The following SGCZ variants were observed in gnomAD, a reference collection of about 807,000 sequenced individuals.
SGCZ encodes the protein zeta-sarcoglycan.
Under a neutral mutation model 41.3 loss-of-function variants are expected in SGCZ, and 40 were observed. The observed-to-expected ratio is 0.97, with a 90% CI of 0.75 to 1.26. The LOEUF is 1.26. Among genes scored for constraint, SGCZ ranks in the 50% most tolerant of loss-of-function variants. The pLI, the probability that SGCZ is intolerant of heterozygous loss-of-function variation, is 0.00. For missense variants in SGCZ, 552 were observed against 369.8 expected, an observed-to-expected ratio of 1.49 and a Z score of -4.04; for synonymous variants, 206 against 137.5, an observed-to-expected ratio of 1.50 and a Z score of -3.49.
intron 3 of SGCZ, among the ~76,000 whole-genome samples, chr8:14,304,448 G>C (rs1185968129): frequency 6.6e-6 from 1 of 152,030 alleles, no homozygotes; most frequent in African/African-American, 2.4e-5. Context: ...ACAAAAATTA[G>C]CCAGGCATGG....
At chr8:14,408,982 T>TGTGTGTGTGTATGTGTGC (rs1799288198) in intron 2 of SGCZ, among the ~76,000 whole-genome samples, 1 of 50,010 alleles carries the variant, frequency 2.0e-5, no homozygotes, top group African/African-American at 2.0e-4. Flanking sequence ...CATGTGTGCG[T>TGTGTGTGTGTATGTGTGC]GTGTGTGTGT....
intron 2 of SGCZ, among the ~76,000 whole-genome samples, chr8:14,381,537 A>G (rs1416054090): frequency 1.3e-5 from 2 of 152,018 alleles, no homozygotes; most frequent in African/African-American, 4.8e-5. Flanking sequence ...TATGGTGGGA[A>G]GCTCAACCAG....
rs557712653 is a variant in SGCZ at position 14,633,559 on chromosome 8, A to G, written c.40-78633T>C. ...TAGAATAAAAAGTTGGCAAATAATT[A>G]CAGGAACTATATTTTACACAACTTT... is the stretch of plus-strand genomic sequence containing the variant. On this transcript the variant is annotated intron_variant, in intron 1 of 7. Coordinates refer to ENST00000382080, the MANE Select transcript of SGCZ (RefSeq NM_139167.4). Among the ~76,000 whole-genome samples, 5 of 152,070 alleles carry G rather than the reference A, an allele frequency of 3.3e-5. No individual in the cohort carries two copies. The South Asian group carries it at 1.0e-3, about 31-fold the overall frequency.
At chr8:15,072,607 T>C (rs1022435302) in intron 1 of SGCZ, among the ~76,000 whole-genome samples, 3 of 152,110 alleles carry the variant, frequency 2.0e-5, no homozygotes, top group Non-Finnish European at 2.9e-5. Flanking sequence ...AACATTAAAT[T>C]TGGGACAGAG....
At chr8:15,041,406 A>G (rs2130977855) in intron 1 of SGCZ, among the ~76,000 whole-genome samples, 1 of 152,100 alleles carries the variant, frequency 6.6e-6, no homozygotes, top group South Asian at 2.1e-4. Context: ...TTGATACCAT[A>G]TGAAAAGTCT....
In SGCZ at chr8:14,684,939, T is replaced by C. The variant is rs1024341162; in HGVS notation, c.40-130013A>G. ...CTCTGTTTAAACATGCAGTGGCATT[T>C]CCTATGTAATTAAATTTCTAAATGT... On this transcript the variant is annotated intron_variant, in intron 1 of 7. Coordinates refer to ENST00000382080, the MANE Select transcript of SGCZ (RefSeq NM_139167.4). 2.6e-5 allele frequency among the ~76,000 whole-genome samples: 4 copies of C among 152,260 alleles called. No homozygotes were observed. The South Asian group carries it at 8.3e-4, about 32-fold the overall frequency.
intron 1 of SGCZ, among the ~76,000 whole-genome samples, chr8:14,735,163 T>C (rs1265972575): frequency 6.6e-6 from 1 of 152,200 alleles, no homozygotes; most frequent in African/African-American, 2.4e-5. Flanking sequence ...GCCTAGCACA[T>C]TACTTGACCC....
chr8:14,165,573 C>T (rs1338287804), intron 4 of SGCZ, among the ~76,000 whole-genome samples: 1 of 152,038 alleles, frequency 6.6e-6, no homozygotes, highest in Non-Finnish European at 1.5e-5. Flanking sequence ...TTTCTTTGGA[C>T]ATAACACTTT....
At chr8:14,322,598 A>T (rs1233791499) in intron 3 of SGCZ, among the ~76,000 whole-genome samples, 1 of 152,116 alleles carries the variant, frequency 6.6e-6, no homozygotes, top group Non-Finnish European at 1.5e-5. Flanking sequence ...AGGGTTTCAC[A>T]ATCATTAAAA....
At chr8:14,925,613 A>C (rs574018369) in intron 1 of SGCZ, among the ~76,000 whole-genome samples, 8 of 152,196 alleles carry the variant, frequency 5.3e-5, no homozygotes, top group African/African-American at 1.9e-4. Context: ...AATGGCAAAA[A>C]CCACAATTCC....
chr8:14,822,468 A>G, intron 1 of SGCZ, among the ~76,000 whole-genome samples: 1 of 152,322 alleles, frequency 6.6e-6, no homozygotes, highest in East Asian at 1.9e-4. Flanking sequence ...GACATTATTC[A>G]CAGAAACAAA....
At chr8:14,669,262 G>A (rs985198940) in intron 1 of SGCZ, among the ~76,000 whole-genome samples, 2 of 151,660 alleles carry the variant, frequency 1.3e-5, no homozygotes, top group African/African-American at 4.9e-5. Flanking sequence ...GGAGGTGAGA[G>A]GCAGGAGGAT....
chr8:14,673,426 C>G (rs1808170324), intron 1 of SGCZ, among the ~76,000 whole-genome samples: 2 of 151,760 alleles, frequency 1.3e-5, no homozygotes, highest in Admixed American at 1.3e-4. Context: ...CTCGCGCTGT[C>G]TCTCTCTCGC....
intron 1 of SGCZ, among the ~76,000 whole-genome samples, chr8:14,632,046 C>T (rs1256402052): frequency 1.2e-5 from 1 of 82,344 alleles, no homozygotes; most frequent in East Asian, 5.0e-4. Context: ...GAGATAGGGT[C>T]TTGTTCTGTT....
At position 15,041,311 on chromosome 8, in the gene SGCZ, A is replaced by G. The variant is rs184555476; in HGVS notation, c.39+196274T>C. Reference sequence around the variant, plus strand: ...TGGGAACCCTTGTTTACATATTTCAAATATAACCTAGATAAGCATATAATT... The same window carrying G: ...TGGGAACCCTTGTTTACATATTTCAGATATAACCTAGATAAGCATATAATT... On this transcript the variant is annotated intron_variant, in intron 1 of 7. Coordinates refer to ENST00000382080, the MANE Select transcript of SGCZ (RefSeq NM_139167.4). Among the ~76,000 whole-genome samples the G allele has an allele frequency of 4.0e-3, 610 of 152,128 alleles. 5 individuals carry two copies. Among genetic ancestry groups the G allele is most frequent in the Non-Finnish European group, 5.0e-3 (343 of 67,924 alleles).
At chr8:14,332,464 A>G (rs192857973) in intron 2 of SGCZ, 2 of 152,146 alleles carry the variant, frequency 1.3e-5, no homozygotes, top group Admixed American at 6.6e-5. Flanking sequence ...AAAATAAAAT[A>G]AAAAATAAAA....
intron 3 of SGCZ, among the ~76,000 whole-genome samples, chr8:14,261,712 A>C (rs35969875): frequency 1.3e-5 from 2 of 151,904 alleles, no homozygotes; most frequent in Non-Finnish European, 2.9e-5. Flanking sequence ...AGAATGATCA[A>C]ACCATTCTCA....
chr8:14,773,038 C>T (rs955125788), intron 1 of SGCZ, among the ~76,000 whole-genome samples: 1 of 152,126 alleles, frequency 6.6e-6, no homozygotes, highest in African/African-American at 2.4e-5. Context: ...GCTTACAGTC[C>T]CACCAACAGT....
intron 2 of SGCZ, among the ~76,000 whole-genome samples, chr8:14,423,163 G>A (rs377319916): frequency 6.6e-6 from 1 of 151,914 alleles, no homozygotes; most frequent in Non-Finnish European, 1.5e-5. Context: ...GGACTGTTGT[G>A]GGGTGGGCGG....
Sources: gnomAD v4.1 joint callset for allele counts (sites outside exome capture counted in the v4.1 genomes callset) on GRCh38, gnomAD v4.1.1 for gene constraint, MANE v1.5 for transcripts, NCBI Gene and HGNC (gene_info 2026-07-23, HGNC 2026-07-21) for gene names.